Variants in PLA2G2D observed in about 807,000 individuals in gnomAD.
The protein encoded by PLA2G2D is phospholipase A2 group IID.
PLA2G2D carries 17 observed loss-of-function variants against 13.9 expected under a neutral mutation model. That is an observed-to-expected ratio of 1.23 (90% confidence interval 0.84 to 1.84). The LOEUF is 1.84. Ranked by LOEUF, PLA2G2D falls within the 40% of genes most tolerant of loss-of-function variation. The pLI, the probability that PLA2G2D is intolerant of heterozygous loss-of-function variation, is 0.00. For missense variants in PLA2G2D, 194 were observed against 178.7 expected, an observed-to-expected ratio of 1.09 and a Z score of -0.49; for synonymous variants, 83 against 69.3, an observed-to-expected ratio of 1.20 and a Z score of -0.98.
intron 3 of PLA2G2D, 88 bp downstream of exon 3, chr1:20,115,419 A>C: frequency 9.0e-6 from 7 of 778,094 alleles, no homozygotes; most frequent in Non-Finnish European, 2.3e-6. Context: ...AAAAACAGAG[A>C]GGTCAAGTAG....
intron 1 of PLA2G2D, among the ~76,000 whole-genome samples, chr1:20,118,247 A>C (rs905725087): frequency 6.6e-6 from 1 of 152,172 alleles, no homozygotes; most frequent in African/African-American, 2.4e-5. Flanking sequence ...ATCTGGGCTC[A>C]GAAATACATA....
At chr1:20,114,435 T>G (rs2016943114) in intron 3 of PLA2G2D, among the ~76,000 whole-genome samples, 176 bp from the exon 4 acceptor site, 1 of 152,226 alleles carries the variant, frequency 6.6e-6, no homozygotes, top group Non-Finnish European at 1.5e-5. Flanking sequence ...CTGTGTGCCA[T>G]TGCACCTTCA....
At chr1:20,117,394 C>G (rs1377978666) in intron 1 of PLA2G2D, among the ~76,000 whole-genome samples, 2 of 152,048 alleles carry the variant, frequency 1.3e-5, no homozygotes, top group Admixed American at 1.3e-4. Flanking sequence ...TACCTCCAGC[C>G]CCTAGAAAAA....
chr1:20,115,118 A>T (rs922010239), intron 3 of PLA2G2D, among the ~76,000 whole-genome samples: 2 of 152,292 alleles, frequency 1.3e-5, no homozygotes, highest in Non-Finnish European at 2.9e-5. Flanking sequence ...AGCATCAGTG[A>T]TGATGAAAGT....
chr1:20,115,293 G>A (rs1184059846), intron 3 of PLA2G2D, among the ~76,000 whole-genome samples: 5 of 152,090 alleles, frequency 3.3e-5, no homozygotes, highest in Non-Finnish European at 4.4e-5. Flanking sequence ...CTGGTCAGTC[G>A]TGGGCCTGAA....
At chr1:20,114,822 C>G (rs2016950834) in intron 3 of PLA2G2D, among the ~76,000 whole-genome samples, 1 of 152,166 alleles carries the variant, frequency 6.6e-6, no homozygotes, top group African/African-American at 2.4e-5. Context: ...AGACAAGGCA[C>G]TTAGCCTATA....
At position 20,114,090 on chromosome 1, in the gene PLA2G2D, G is replaced by T; in HGVS notation, c.*24C>A. On this transcript the variant is annotated 3_prime_UTR_variant, in exon 4 of 4. Transcript: ENST00000375105. ...GGGGATGCCAGAGCTCCATGCTGAG[G>T]AACAGGGTAGAGGGTGTGGGCTTCT... 6.2e-7 allele frequency: 1 copy of T among 1,605,870 alleles called. No individual in the cohort carries two copies. Among genetic ancestry groups the T allele is most frequent in the South Asian group, 1.1e-5 (1 of 90,212 alleles).
intron 1 of PLA2G2D, among the ~76,000 whole-genome samples, chr1:20,117,982 CCT>C (rs2017023697): frequency 6.6e-6 from 1 of 152,122 alleles, no homozygotes; most frequent in South Asian, 2.1e-4. Context: ...TGTTGCCACG[CCT>C]GTTTGACATG....
In PLA2G2D at chr1:20,112,043, T is replaced by C. The variant is rs1328049228; in HGVS notation, c.*2071A>G. The C allele has an allele frequency of 6.6e-6, 1 of 151,888 alleles. No individual in the cohort carries two copies. The highest frequency in any genetic ancestry group is 1.5e-5 in the Non-Finnish European group (1 of 68,004). 9.4% of individuals were successfully genotyped at this position (151,888 alleles called of 1,614,324 possible). A position where few individuals can be genotyped will look rare whatever the true frequency, so the allele number is the denominator to read the frequency against. ...GTGCAGTGTCGCGATCTGGGCTCACTGAAACCTCTGCCTCCCAGGTCCAAG... is the reference window on the plus strand; with the variant it reads ...GTGCAGTGTCGCGATCTGGGCTCACCGAAACCTCTGCCTCCCAGGTCCAAG... On this transcript the variant is annotated 3_prime_UTR_variant, in exon 4 of 4. Coordinates refer to ENST00000375105, the MANE Select transcript of PLA2G2D (RefSeq NM_012400.4).
intron 3 of PLA2G2D, 111 bp downstream of exon 3, chr1:20,115,396 A>C: frequency 6.9e-6 from 5 of 725,510 alleles, no homozygotes; most frequent in South Asian, 1.6e-5. Context: ...CAGCCAGTGG[A>C]CCCATGCAAA....
At chr1:20,114,304 A>G in intron 3 of PLA2G2D, 45 bp from the exon 4 acceptor site, 1 of 1,587,346 alleles carries the variant, frequency 6.3e-7, no homozygotes, top group Non-Finnish European at 8.6e-7. Flanking sequence ...CTTTTCCGAG[A>G]CAGAGGCAGG....
intron 1 of PLA2G2D, among the ~76,000 whole-genome samples, chr1:20,118,873 A>T (rs1486408773): frequency 1.3e-5 from 2 of 152,258 alleles, no homozygotes; most frequent in Admixed American, 6.5e-5. Context: ...AGAGAATTTC[A>T]GAGTCCCAAG....
chr1:20,116,279 A>C lies in PLA2G2D; in HGVS notation c.185+54T>G. On this transcript the variant is annotated intron_variant, in intron 2 of 3. Coordinates refer to ENST00000375105, the MANE Select transcript of PLA2G2D (RefSeq NM_012400.4). ...TGAACAGGTGGGTGGAGAGAAAAGA[A>C]GAGTACCGTAGTCGGGGACAGTATA... The C allele has an allele frequency of 3.9e-6, 6 of 1,551,482 alleles. No homozygotes were observed. In the South Asian group the frequency reaches 6.7e-5, roughly 17 times the overall value.
Position 20,115,568 on chromosome 1 carries a change from CT to C in PLA2G2D, c.230del (p.Gln77ArgfsTer43). 2 of 1,613,238 alleles carry C rather than the reference CT, an allele frequency of 1.2e-6. No homozygotes were observed. The highest frequency in any genetic ancestry group is 2.7e-5 in the African/African-American group (2 of 75,014). On this transcript the variant is annotated frameshift_variant, in exon 3 of 4. Transcript: ENST00000375105. LOFTEE classifies it high-confidence loss of function. Reference protein sequence around the residue: ...HDCCYDHLKTQGCSIYKDYYR... With the variant: ...HDCCYDHLKTXGCSIYKDYYR... The stretch of plus-strand genomic sequence containing the variant: ...AATAGTCCTTGTAGATGCTGCACCC[CT>C]GGGTCTTCAGGTGGTCATAGCAGCA...
At chr1:20,117,705 G>A (rs946724906) in intron 1 of PLA2G2D, among the ~76,000 whole-genome samples, 25 of 152,068 alleles carry the variant, frequency 1.6e-4, no homozygotes, top group African/African-American at 6.0e-4. Context: ...ACGTCCCGAT[G>A]GAGCCCAGAG....
In PLA2G2D at chr1:20,114,237, C is replaced by T. The variant is rs377576920; in HGVS notation, c.315G>A (p.Glu105=). The stretch of plus-strand genomic sequence containing the variant: ...CCTTGTCACAGGCACACAGCTGCTG[C>T]TCACACCAGCTTCCCTTGTCAGCTG... ...IHCSDKGSWC[E]QQLCACDKEV... The change falls in exon 4 of 4, where the codon GAG becomes GAA. Residue 105 remains glutamate, a synonymous_variant. Transcript: ENST00000375105. 5.6e-6 allele frequency: 9 copies of T among 1,613,770 alleles called. No individual in the cohort carries two copies. In the African/African-American group the frequency reaches 1.2e-4, roughly 22 times the overall value.
intron 1 of PLA2G2D, 65 bp downstream of exon 1, chr1:20,119,392 AAG>A: frequency 2.2e-6 from 3 of 1,362,908 alleles, no homozygotes; most frequent in Non-Finnish European, 3.2e-6. Flanking sequence ...TAATCTGGGA[AAG>A]AGAGCACAGG....
Position 20,115,509 on chromosome 1 carries a change from C to T in PLA2G2D, c.290G>A (p.Cys97Tyr). Residue 97 changes from cysteine to tyrosine, a missense_variant and splice_region_variant, in exon 3 of 4, where the codon TGC (cysteine) becomes TAC (tyrosine). Cys to Tyr is a radical substitution (Grantham distance 194, BLOSUM62 -2). Transcript: ENST00000375105. ...RYNFSQGNIH[C>Y]SDKGSWCEQQ... ...TGCCCTGAGGTCTGCGTACTCACAG[C>T]AGTGGATGTTCCCCTGGGAAAAGTT... 1.9e-6 allele frequency: 3 copies of T among 1,563,242 alleles called. No homozygotes were observed. Among genetic ancestry groups the T allele is most frequent in the Non-Finnish European group, 2.6e-6 (3 of 1,134,358 alleles).
rs1427202066 is a variant in PLA2G2D at position 20,113,839 on chromosome 1, C to A, written c.*275G>T. ...GTGGGGGACAGCGGCAGACCCCTCC[C>A]CCACCCCGATGCTTTGGTCCAAACA... On this transcript the variant is annotated 3_prime_UTR_variant, in exon 4 of 4. Coordinates refer to ENST00000375105, the MANE Select transcript of PLA2G2D (RefSeq NM_012400.4). The A allele has an allele frequency of 8.0e-6, 3 of 373,114 alleles. No homozygotes were observed. The highest frequency in any genetic ancestry group is 1.4e-5 in the Non-Finnish European group (3 of 207,016). 23.1% of individuals were successfully genotyped at this position (373,114 alleles called of 1,614,324 possible).
Sources: allele counts gnomAD v4.1 joint callset (sites outside exome capture counted in the v4.1 genomes callset), GRCh38; gene constraint gnomAD v4.1.1; transcripts MANE v1.5; gene names NCBI Gene and HGNC (gene_info 2026-07-23, HGNC 2026-07-21).